CNTNAP2: variants seen among roughly 807,000 people sequenced by gnomAD.
CNTNAP2 encodes the protein contactin associated protein 2.
Under a neutral mutation model 155.2 loss-of-function variants are expected in CNTNAP2, and 98 were observed. The ratio of observed to expected loss-of-function variants is 0.63; its 90% CI spans 0.54 to 0.75. The LOEUF (loss-of-function observed/expected upper bound fraction) is 0.75. Ranked by LOEUF, CNTNAP2 falls within the 30% of genes least tolerant of loss-of-function variation. The probability of loss-of-function intolerance (pLI) is 0.00; values close to 1 mark genes in which losing one functional copy is unlikely to be tolerated. For missense variants in CNTNAP2, 1,727 were observed against 1,688.1 expected, an observed-to-expected ratio of 1.02 and a Z score of -0.40; for synonymous variants, 651 against 631.2, an observed-to-expected ratio of 1.03 and a Z score of -0.47.
intron 9 of CNTNAP2, among the ~76,000 whole-genome samples, chr7:147,389,472 T>C (rs1796673846): frequency 6.6e-6 from 1 of 152,238 alleles, no homozygotes; most frequent in Non-Finnish European, 1.5e-5. Flanking sequence ...GCCATTTTAA[T>C]GTCAAAACAA....
rs530680298 is a variant in CNTNAP2, at chr7:147,296,660, A to T, written c.1349-3481A>T. On this transcript the variant is annotated intron_variant, in intron 8 of 23. Transcript: ENST00000361727. ...CCAGTGAGGAACTATCTTACAAAGTAACCTATGAGTACCAAAAAGTAGACC... is the reference window on the plus strand; with the variant it reads ...CCAGTGAGGAACTATCTTACAAAGTTACCTATGAGTACCAAAAAGTAGACC... 2.4e-4 allele frequency among the ~76,000 whole-genome samples: 37 copies of T among 152,338 alleles called. 1 individual carries two copies. The highest frequency in any genetic ancestry group is 2.1e-4 in the South Asian group (1 of 4,828).
chr7:148,226,240 A>G (rs1161162048), intron 19 of CNTNAP2, among the ~76,000 whole-genome samples: 1 of 152,124 alleles, frequency 6.6e-6, no homozygotes, highest in African/African-American at 2.4e-5. Flanking sequence ...GGAGTTCAAG[A>G]GAGAAGTCTG....
chr7:146,139,478 A>G (rs578192925), intron 1 of CNTNAP2, among the ~76,000 whole-genome samples: 32 of 152,310 alleles, frequency 2.1e-4, no homozygotes, highest in Middle Eastern at 3.4e-3. Context: ...AAGGGTTTCT[A>G]AAAATCAATG....
At chr7:146,828,132 G>A (rs780032006) in intron 2 of CNTNAP2, among the ~76,000 whole-genome samples, 23 of 152,062 alleles carry the variant, frequency 1.5e-4, no homozygotes, top group East Asian at 9.7e-4. Context: ...ATATAGACGT[G>A]CTCTACAAAT....
At chr7:146,681,385 A>G (rs1219110592) in intron 1 of CNTNAP2, among the ~76,000 whole-genome samples, 1 of 130,090 alleles carries the variant, frequency 7.7e-6, no homozygotes, top group Non-Finnish European at 1.6e-5. Flanking sequence ...GGTGTTATTC[A>G]TGGACACATA....
intron 13 of CNTNAP2, among the ~76,000 whole-genome samples, chr7:147,772,459 TATATATATATATATATATATATATAC>T (rs1797487989): frequency 1.2e-5 from 1 of 82,156 alleles, no homozygotes; most frequent in South Asian, 3.7e-4. Flanking sequence ...TATATATATA[TATATATATATATATATATATATATAC>T]ACACACAAAA....
intron 13 of CNTNAP2, among the ~76,000 whole-genome samples, chr7:147,749,111 T>C (rs1392608266): frequency 6.6e-6 from 1 of 152,182 alleles, no homozygotes; most frequent in African/African-American, 2.4e-5. Flanking sequence ...GAAAGAATGA[T>C]AAAAGTCAAA....
chr7:147,279,053 A>G (rs1804969633), intron 8 of CNTNAP2, among the ~76,000 whole-genome samples: 1 of 151,636 alleles, frequency 6.6e-6, no homozygotes, highest in Admixed American at 6.6e-5. Flanking sequence ...TTAAATAACT[A>G]TAATCATTCT....
rs576204333 is a variant in CNTNAP2, at chr7:148,365,816, A to G, written c.3476-17833A>G. ...TATACATGCATGTGTATGCATGTAT[A>G]CATGCATGTGTATGCATGTATACAT... On this transcript the variant is annotated intron_variant, in intron 21 of 23. Transcript: ENST00000361727. Among the ~76,000 whole-genome samples the G allele has an allele frequency of 2.4e-4, 27 of 113,550 alleles. 2 individuals carry two copies. The highest frequency in any genetic ancestry group is 4.2e-3 in the Middle Eastern group (1 of 238). The allele number at this position is 113,550 out of a possible 152,430, so 74.5% of individuals were successfully genotyped here.
At chr7:146,677,893 G>A (rs1179997698) in intron 1 of CNTNAP2, among the ~76,000 whole-genome samples, 1 of 151,988 alleles carries the variant, frequency 6.6e-6, no homozygotes, top group Non-Finnish European at 1.5e-5. Context: ...GTTGGGATGT[G>A]GAGTGTTGGA....
chr7:148,201,598 T>A (rs1008049445), intron 18 of CNTNAP2, among the ~76,000 whole-genome samples: 20 of 152,194 alleles, frequency 1.3e-4, no homozygotes, highest in Non-Finnish European at 2.8e-4. Context: ...ATAGTTGGTT[T>A]CCCTAATTCT....
At chr7:147,203,859 A>C (rs1802968958) in intron 8 of CNTNAP2, among the ~76,000 whole-genome samples, 1 of 152,172 alleles carries the variant, frequency 6.6e-6, no homozygotes, top group South Asian at 2.1e-4. Flanking sequence ...ACCAGCTAGA[A>C]TAAAAAGCAA....
chr7:146,411,520 T>C (rs1465084101), intron 1 of CNTNAP2, among the ~76,000 whole-genome samples: 4 of 152,164 alleles, frequency 2.6e-5, no homozygotes, highest in African/African-American at 7.2e-5. Context: ...GTAATGTTAA[T>C]TAACATTTGT....
At chr7:147,876,858 G>C (rs557155919) in intron 13 of CNTNAP2, among the ~76,000 whole-genome samples, 10 of 152,248 alleles carry the variant, frequency 6.6e-5, no homozygotes, top group African/African-American at 2.2e-4. Flanking sequence ...AACATTAGAG[G>C]GGGGTGTGCA....
chr7:148,350,005 T>C (rs1212830672), intron 21 of CNTNAP2, among the ~76,000 whole-genome samples: 1 of 152,180 alleles, frequency 6.6e-6, no homozygotes, highest in East Asian at 1.9e-4. Flanking sequence ...GTGGAGGGCT[T>C]TGATGTATCA....
intron 8 of CNTNAP2, among the ~76,000 whole-genome samples, chr7:147,163,282 G>A (rs1440317673): frequency 6.6e-6 from 1 of 152,042 alleles, no homozygotes; most frequent in African/African-American, 2.4e-5. Flanking sequence ...TATCTTAACT[G>A]TTATCTCCTT....
intron 21 of CNTNAP2, among the ~76,000 whole-genome samples, chr7:148,339,045 G>A (rs149031624): frequency 3.9e-5 from 6 of 152,210 alleles, no homozygotes; most frequent in Admixed American, 2.0e-4. Context: ...CAGTCTCTGT[G>A]TCTCTCTCTC....
At chr7:147,428,827 A>G (rs940666062) in intron 10 of CNTNAP2, among the ~76,000 whole-genome samples, 1 of 152,110 alleles carries the variant, frequency 6.6e-6, no homozygotes, top group African/African-American at 2.4e-5. Context: ...GTGTTTGGTT[A>G]CATGGAAAAG....
intron 1 of CNTNAP2, among the ~76,000 whole-genome samples, chr7:146,642,607 C>T (rs11975960): frequency 0.22 from 33,767 of 150,320 alleles, 4,033 homozygotes; most frequent in East Asian, 0.47. Context: ...TGAATAGTGC[C>T]GCAATAAACA....
Sources: allele counts gnomAD v4.1 joint callset (sites outside exome capture counted in the v4.1 genomes callset), GRCh38; gene constraint gnomAD v4.1.1; transcripts MANE v1.5; gene names NCBI Gene and HGNC (gene_info 2026-07-23, HGNC 2026-07-21).